Variants in PELP1 observed in about 807,000 individuals in gnomAD.
The protein encoded by PELP1 is proline-, glutamic acid- and leucine-rich protein 1.
PELP1 carries 32 observed loss-of-function variants against 95.5 expected under a neutral mutation model. The ratio of observed to expected loss-of-function variants is 0.34; its 90% confidence interval spans 0.25 to 0.45. The LOEUF (loss-of-function observed/expected upper bound fraction) is 0.45. PELP1 is among the 20% of genes least tolerant of loss of function. The pLI, the probability that PELP1 is intolerant of heterozygous loss-of-function variation, is 1.00. For missense variants in PELP1, 1,358 were observed against 1,444.8 expected (o/e 0.94, Z 0.97); for synonymous variants, 668 against 600.1 (o/e 1.11, Z -1.65).
At chr17:4,695,211 A>G (rs927424148) in intron 1 of PELP1, among the ~76,000 whole-genome samples, 4 of 150,310 alleles carry the variant, frequency 2.7e-5, no homozygotes, top group African/African-American at 9.8e-5. Flanking sequence ...AATCCCAACT[A>G]CTAGGGAGGC....
intron 3 of PELP1, among the ~76,000 whole-genome samples, chr17:4,689,249 C>T (rs1043346992): frequency 1.3e-5 from 2 of 152,164 alleles, no homozygotes; most frequent in African/African-American, 2.4e-5. Context: ...TAGAAGATAA[C>T]ATCAGAAAAA....
chr17:4,687,852 G>A (rs1315793439), intron 3 of PELP1, among the ~76,000 whole-genome samples: 1 of 152,042 alleles, frequency 6.6e-6, no homozygotes, highest in African/African-American at 2.4e-5. Flanking sequence ...TAAAAGTAGG[G>A]GAAAAAAATT....
intron 1 of PELP1, among the ~76,000 whole-genome samples, chr17:4,693,609 A>G (rs2150564029): frequency 6.6e-6 from 1 of 152,286 alleles, no homozygotes; most frequent in African/African-American, 2.4e-5. Context: ...GCCACAGTGG[A>G]TCTGATCACC....
At position 4,671,517 on chromosome 17, in the gene PELP1, T is replaced by C. The variant is rs766489384; in HGVS notation, c.3315A>G (p.Thr1105=). ...EALQEKEQDD[T]AAMLADFIDC... ...CGATGAAGTCGGCCAGCATGGCAGC[T>C]GTGTCATCCTGCTCCTTTTAGGCAC... The change falls in exon 17 of 17, where the codon ACA becomes ACG. Residue 1105 remains threonine, a synonymous_variant. Transcript: ENST00000572293. The C allele has an allele frequency of 2.5e-6, 4 of 1,613,738 alleles. No homozygotes were observed. The highest frequency in any genetic ancestry group is 3.4e-6 in the Non-Finnish European group (4 of 1,179,802).
At position 4,704,115 on chromosome 17, in the gene PELP1, C is replaced by T. The variant is rs745913576; in HGVS notation, c.-4G>A. The T allele has an allele frequency of 1.0e-5, 16 of 1,603,852 alleles. No homozygotes were observed. The highest frequency in any genetic ancestry group is 5.0e-5 in the Admixed American group (3 of 59,636). On this transcript the variant is annotated 5_prime_UTR_variant, in exon 1 of 17. Coordinates refer to ENST00000572293, the MANE Select transcript of PELP1 (RefSeq NM_014389.3). ...CACTCAGAACGGCTGCCGCCATCTT[C>T]CCCCGGGTTCCAGTGGTGGCGTGGC...
intron 3 of PELP1, among the ~76,000 whole-genome samples, chr17:4,689,666 A>C (rs952711816): frequency 4.6e-5 from 7 of 152,214 alleles, no homozygotes; most frequent in African/African-American, 1.7e-4. Flanking sequence ...ATTTTATAGC[A>C]GCACAATTCA....
At chr17:4,700,938 AAAAAG>A (rs1469847931) in intron 1 of PELP1, among the ~76,000 whole-genome samples, 2 of 149,308 alleles carry the variant, frequency 1.3e-5, no homozygotes, top group African/African-American at 2.5e-5. Context: ...CAAAAAAAAA[AAAAAG>A]AAAAGAAAAG....
chr17:4,672,279 CTCTTCTTCCTCT>C lies in PELP1; in HGVS notation c.2700_2711del (p.Glu905_Glu908del). ...CTTCCTCAAAGTCTTCCTCCTCTTC[CTCTTCTTCCTCT>C]TCTTCTTCTTCCTCTTCTTCCTCTT... On this transcript the variant is annotated inframe_deletion, in exon 16 of 17. Coordinates refer to ENST00000572293, the MANE Select transcript of PELP1 (RefSeq NM_014389.3). 1.3e-6 allele frequency: 2 copies of C among 1,549,400 alleles called. No individual in the cohort carries two copies.
At position 4,671,263 on chromosome 17, in the gene PELP1, A is replaced by G. The variant is rs902151339; in HGVS notation, c.*176T>C. On this transcript the variant is annotated 3_prime_UTR_variant, in exon 17 of 17. Transcript: ENST00000572293. ...ACCAATGTCAGTTGTTCCTCTCTGG[A>G]TCGTCAAAAAGAGGACAGCTATGGA... 3.3e-6 allele frequency: 2 copies of G among 605,698 alleles called. No individual in the cohort carries two copies. Among genetic ancestry groups the G allele is most frequent in the African/African-American group, 3.7e-5 (2 of 53,918 alleles). The allele number at this position is 605,698 out of a possible 1,614,324, so 37.5% of individuals were successfully genotyped here.
Position 4,671,718 on chromosome 17 carries a change from CT to C in PELP1, c.3272del (p.Glu1091GlyfsTer52), listed in dbSNP as rs753982920. On this transcript the variant is annotated frameshift_variant, in exon 16 of 17. Coordinates refer to ENST00000572293, the MANE Select transcript of PELP1 (RefSeq NM_014389.3). LOFTEE classifies it high-confidence loss of function. ...TTTCCTGGAGAGCTTCGGCCTCTGTCTCTGTCTCCATCTCTTCTTCTGCAGG... is the reference window on the plus strand; with the variant it reads ...TTTCCTGGAGAGCTTCGGCCTCTGTCCTGTCTCCATCTCTTCTTCTGCAGG... ...ETPAEEEMET[E>X]TEAEALQEKE... 1 of 1,550,404 alleles carries C rather than the reference CT, an allele frequency of 6.4e-7. No individual in the cohort carries two copies. Among genetic ancestry groups the C allele is most frequent in the South Asian group, 1.3e-5 (1 of 79,330 alleles).
At chr17:4,701,628 G>A (rs978941582) in intron 1 of PELP1, among the ~76,000 whole-genome samples, 1 of 152,216 alleles carries the variant, frequency 6.6e-6, no homozygotes, top group African/African-American at 2.4e-5. Flanking sequence ...AGCCATGTTG[G>A]TAGGTGGATG....
chr17:4,690,186 A>G (rs893377693), intron 3 of PELP1, among the ~76,000 whole-genome samples: 2 of 152,182 alleles, frequency 1.3e-5, no homozygotes, highest in Non-Finnish European at 2.9e-5. Flanking sequence ...GAAAAACCAA[A>G]CATCGTATGT....
In PELP1 at chr17:4,703,948, G is replaced by A. The variant is rs1381189814; in HGVS notation, c.164C>T (p.Pro55Leu). ...LQPRTGSAVA[P>L]VHPPNRSAPH... Reference sequence around the variant, plus strand: ...GGCCGAGCGGTTTGGGGGATGCACCGGAGCAACGGCAGACCCCGTTCGAGG... The same window carrying A: ...GGCCGAGCGGTTTGGGGGATGCACCAGAGCAACGGCAGACCCCGTTCGAGG... The change falls in exon 1 of 17, where the codon CCG becomes CTG. Residue 55 changes from proline (P) to leucine (L), a missense_variant. Transcript: ENST00000572293. 3 of 1,613,610 alleles carry A rather than the reference G, an allele frequency of 1.9e-6. No homozygotes were observed. The highest frequency in any genetic ancestry group is 2.5e-6 in the Non-Finnish European group (3 of 1,179,734).
intron 16 of PELP1, 51 bp from the exon 17 acceptor site, chr17:4,671,582 G>T: frequency 1.2e-6 from 2 of 1,609,824 alleles, no homozygotes; most frequent in Non-Finnish European, 1.7e-6. Flanking sequence ...CACATACACA[G>T]AAGAATGGTT....
In PELP1 at chr17:4,673,844, G is replaced by T; in HGVS notation, c.1583-170C>A. 1.6e-6 allele frequency: 1 copy of T among 623,210 alleles called. No homozygotes were observed. The highest frequency in any genetic ancestry group is 2.9e-6 in the Non-Finnish European group (1 of 343,432). The allele number at this position is 623,210 out of a possible 1,614,324, so 38.6% of individuals were successfully genotyped here. A position where few individuals can be genotyped will look rare whatever the true frequency, so the allele number is the denominator to read the frequency against. Reference sequence around the variant, plus strand: ...ATCATAAAAGTACCTCTACTGTATAGGGCCACTGACGGTATTTAATTGAGA... The same window carrying T: ...ATCATAAAAGTACCTCTACTGTATATGGCCACTGACGGTATTTAATTGAGA... On this transcript the variant is annotated intron_variant, in intron 13 of 16. Transcript: ENST00000572293. This position sits in a 1 kb window ranked among gnomAD's most constrained non-coding sequence, Gnocchi z 5.7.
Position 4,690,915 on chromosome 17 carries a change from C to A in PELP1, c.393G>T (p.Trp131Cys). The A allele has an allele frequency of 1.2e-6, 2 of 1,613,634 alleles. No homozygotes were observed. Among genetic ancestry groups the A allele is most frequent in the Non-Finnish European group, 1.7e-6 (2 of 1,179,594 alleles). Residue 131 changes from tryptophan (W) to cysteine (C), a missense_variant, in exon 3 of 17, where the codon TGG becomes TGT. Transcript: ENST00000572293. ...TELFQQHCVS[W>C]LRSIQQVLQT... ...GTAACACCTGCTGAATGCTCCGAAGCCAAGACACACAGTGCTGCTGGAATA... is the reference window on the plus strand; with the variant it reads ...GTAACACCTGCTGAATGCTCCGAAGACAAGACACACAGTGCTGCTGGAATA...
At chr17:4,676,206 C>T (rs756143753) in intron 7 of PELP1, 44 bp from the exon 8 acceptor site, 1 of 1,605,216 alleles carries the variant, frequency 6.2e-7, no homozygotes, top group Non-Finnish European at 8.5e-7. Context: ...TTCTTCCATC[C>T]CCTCCTCTGT....
chr17:4,695,171 A>G (rs1427091080), intron 1 of PELP1, among the ~76,000 whole-genome samples: 1 of 150,824 alleles, frequency 6.6e-6, no homozygotes, highest in Non-Finnish European at 1.5e-5. Flanking sequence ...AAAATACAAA[A>G]ATTAGCCGGA....
intron 5 of PELP1, among the ~76,000 whole-genome samples, chr17:4,679,765 T>A (rs4790675): frequency 0.96 from 145,827 of 152,316 alleles, 70,132 homozygotes; most frequent in East Asian, 1. Flanking sequence ...CTTGACAAAA[T>A]GTCCTGCCCT....
Sources: gnomAD v4.1 joint callset for allele counts (sites outside exome capture counted in the v4.1 genomes callset) on GRCh38, gnomAD v4.1.1 for gene constraint, Gnocchi (gnomAD v3.1) non-coding constraint, MANE v1.5 for transcripts, NCBI Gene and HGNC (gene_info 2026-07-23, HGNC 2026-07-21) for gene names.